The following FMNL2 variants were observed in gnomAD, a reference collection of about 807,000 sequenced individuals.
FMNL2 encodes the protein formin-like protein 2.
FMNL2 carries 51 observed loss-of-function variants against 130.2 expected under a neutral mutation model. That is an observed-to-expected ratio of 0.39 (90% CI 0.31 to 0.49). The LOEUF is 0.49. FMNL2 is among the 20% of genes least tolerant of loss of function. FMNL2 has a pLI of 0.85. For missense variants in FMNL2, 977 were observed against 1,316.2 expected (o/e 0.74, Z 3.99); for synonymous variants, 465 against 467.1 (o/e 1.00, Z 0.06).
intron 1 of FMNL2, among the ~76,000 whole-genome samples, chr2:152,488,467 A>C (rs1362473926): frequency 1.3e-5 from 2 of 152,272 alleles, no homozygotes; most frequent in Non-Finnish European, 2.9e-5. Flanking sequence ...TGCTGGTCAC[A>C]CAAGAAAAAC....
At chr2:152,453,503 G>C (rs1239823628) in intron 1 of FMNL2, among the ~76,000 whole-genome samples, 1 of 152,176 alleles carries the variant, frequency 6.6e-6, no homozygotes, top group Admixed American at 6.5e-5. Context: ...CAGGACGCTT[G>C]TTTTGTCCCC....
chr2:152,493,871 G>A (rs1056272961), intron 1 of FMNL2, among the ~76,000 whole-genome samples: 7 of 152,152 alleles, frequency 4.6e-5, no homozygotes, highest in African/African-American at 1.7e-4. Flanking sequence ...AAGACAAATA[G>A]TCACCTTTAA....
intron 9 of FMNL2, among the ~76,000 whole-genome samples, chr2:152,591,872 A>G (rs1052356793): frequency 1.3e-5 from 2 of 152,268 alleles, no homozygotes; most frequent in South Asian, 4.1e-4. Context: ...TGGGAGGCTG[A>G]GGCAGGTGAT....
intron 17 of FMNL2, among the ~76,000 whole-genome samples, chr2:152,628,093 A>G (rs1157823940): frequency 6.6e-6 from 1 of 152,220 alleles, no homozygotes; most frequent in African/African-American, 2.4e-5. Context: ...AGGAAGAACC[A>G]GTTAAGTTAC....
rs1232274133 is a variant in FMNL2, at chr2:152,590,017, A to G, written c.876+8968A>G. ...TATATGTATATATATATACATATAC[A>G]TATATATATACATATACATACATAT... On this transcript the variant is annotated intron_variant, in intron 9 of 25. Transcript: ENST00000288670. Among the ~76,000 whole-genome samples, 61 of 107,332 alleles carry G rather than the reference A, an allele frequency of 5.7e-4. 1 individual carries two copies. Among genetic ancestry groups the G allele is most frequent in the African/African-American group, 1.5e-3 (43 of 29,492 alleles). 70.4% of individuals were successfully genotyped at this position (107,332 alleles called of 152,430 possible).
At chr2:152,484,357 T>C (rs1432325491) in intron 1 of FMNL2, among the ~76,000 whole-genome samples, 4 of 152,118 alleles carry the variant, frequency 2.6e-5, no homozygotes, top group Non-Finnish European at 5.9e-5. Context: ...AGAGAGATAT[T>C]GGGCCAAGTG....
intron 9 of FMNL2, among the ~76,000 whole-genome samples, chr2:152,584,140 T>C (rs879914340): frequency 2.9e-4 from 44 of 152,334 alleles, no homozygotes; most frequent in African/African-American, 8.9e-4. Context: ...TTTTTTTTTT[T>C]CACATCATAG....
intron 3 of FMNL2, among the ~76,000 whole-genome samples, chr2:152,548,592 C>G (rs185740778): frequency 6.6e-6 from 1 of 152,120 alleles, no homozygotes; most frequent in African/African-American, 2.4e-5. Flanking sequence ...GTTTCCTGCA[C>G]GTTTTATCCT....
Position 152,639,969 on chromosome 2 carries a change from G to A in FMNL2, c.2958G>A (p.Glu986=), listed in dbSNP as rs768522948. ...RFVKAYKQAE[E]ENELRKKQEQ... is the part of the protein sequence containing the mutation. The stretch of plus-strand genomic sequence containing the variant: ...TTTGATTTACCCAGCAAGCAGAAGA[G>A]GAAAATGAGCTGAGGAAAAAGCAGG... The change falls in exon 24 of 26, where the codon GAG becomes GAA. Residue 986 remains glutamate, a synonymous_variant. Transcript: ENST00000288670. The A allele has an allele frequency of 1.3e-6, 2 of 1,556,250 alleles. No homozygotes were observed. The highest frequency in any genetic ancestry group is 1.7e-6 in the Non-Finnish European group (2 of 1,150,952).
chr2:152,616,531 C>T (rs1297412675), intron 12 of FMNL2, among the ~76,000 whole-genome samples: 4 of 151,924 alleles, frequency 2.6e-5, no homozygotes, highest in Non-Finnish European at 5.9e-5. Flanking sequence ...GGGGTTTCAC[C>T]ATGTTGGCCA....
intron 1 of FMNL2, among the ~76,000 whole-genome samples, chr2:152,339,062 C>T (rs115903724): frequency 0.018 from 2,809 of 152,266 alleles, 76 homozygotes; most frequent in African/African-American, 0.065. Context: ...AGCCATGTGG[C>T]CCTCCATTGT....
chr2:152,486,069 A>G (rs1403288305), intron 1 of FMNL2, among the ~76,000 whole-genome samples: 2 of 152,234 alleles, frequency 1.3e-5, no homozygotes, highest in Non-Finnish European at 2.9e-5. Flanking sequence ...TAAGATAAAT[A>G]GATAGCAACG....
intron 1 of FMNL2, among the ~76,000 whole-genome samples, chr2:152,342,917 C>T (rs1681893651): frequency 6.6e-6 from 1 of 152,160 alleles, no homozygotes; most frequent in African/African-American, 2.4e-5. Context: ...ACATTCTTTT[C>T]ACTCTCTGAA....
chr2:152,376,814 G>A (rs982513626), intron 1 of FMNL2, among the ~76,000 whole-genome samples: 4 of 152,302 alleles, frequency 2.6e-5, no homozygotes, highest in Admixed American at 6.5e-5. Flanking sequence ...GCTTTCTTGG[G>A]AATTAAGGGT....
chr2:152,433,389 T>C (rs1651798597), intron 1 of FMNL2, among the ~76,000 whole-genome samples: 1 of 152,210 alleles, frequency 6.6e-6, no homozygotes, highest in Admixed American at 6.5e-5. Context: ...TAGGTTACCA[T>C]GTGTTTGTAG....
chr2:152,481,446 G>GTA (rs1690516758), intron 1 of FMNL2, among the ~76,000 whole-genome samples: 1 of 152,118 alleles, frequency 6.6e-6, no homozygotes, highest in South Asian at 2.1e-4. Context: ...GGCCTTTTTA[G>GTA]TACTTTTCTA....
chr2:152,572,535 C>T lies in FMNL2; in HGVS notation c.597-2601C>T, dbSNP rs193003478. Among the ~76,000 whole-genome samples, 43 of 152,182 alleles carry T rather than the reference C, an allele frequency of 2.8e-4. No individual in the cohort carries two copies. The East Asian group carries it at 6.6e-3, about 23-fold the overall frequency. Reference sequence around the variant, plus strand: ...TTAGATAGTGTGAGCTTCTGCAGGGCGCAGTGGCTCATGCTTTTAATCCCA... The same window carrying T: ...TTAGATAGTGTGAGCTTCTGCAGGGTGCAGTGGCTCATGCTTTTAATCCCA... On this transcript the variant is annotated intron_variant, in intron 6 of 25. Transcript: ENST00000288670.
intron 20 of FMNL2, 43 bp downstream of exon 20, chr2:152,629,948 A>G (rs1249044938): frequency 3.2e-6 from 5 of 1,541,958 alleles, no homozygotes; most frequent in South Asian, 1.2e-5. Context: ...TGAAGGACAG[A>G]TGGCTGGCAG....
chr2:152,424,579 C>T (rs1210691417), intron 1 of FMNL2, among the ~76,000 whole-genome samples: 1 of 152,054 alleles, frequency 6.6e-6, no homozygotes, highest in Non-Finnish European at 1.5e-5. Context: ...TTAACAGAGA[C>T]AGGGCTTCAC....
Sources: allele counts gnomAD v4.1 joint callset (sites outside exome capture counted in the v4.1 genomes callset), GRCh38; gene constraint gnomAD v4.1.1; transcripts MANE v1.5; gene names NCBI Gene and HGNC (gene_info 2026-07-23, HGNC 2026-07-21).